Variants in DISC1 observed in about 807,000 individuals in gnomAD.
DISC1 encodes the protein DISC1 scaffold protein, also known as disrupted in schizophrenia 1 protein.
In DISC1, 57 loss-of-function variants were observed where a neutral mutation model predicts 84.5. The observed-to-expected ratio is 0.67, with a 90% CI of 0.55 to 0.84. The LOEUF is 0.84. Among genes scored for constraint, DISC1 ranks in the 40% least tolerant of loss-of-function variants. The pLI, the probability that DISC1 is intolerant of heterozygous loss-of-function variation, is 0.00. For missense variants in DISC1, 1,000 were observed against 1,057.8 expected (o/e 0.95, Z 0.76); for synonymous variants, 411 against 415.2 (o/e 0.99, Z 0.12).
At chr1:231,695,670 G>A (rs959800115) in intron 2 of DISC1, among the ~76,000 whole-genome samples, 3 of 152,120 alleles carry the variant, frequency 2.0e-5, no homozygotes, top group Admixed American at 6.5e-5. Flanking sequence ...ATGTGTGTGT[G>A]TGCATGCATG....
chr1:231,775,109 A>G (rs760111984), intron 6 of DISC1, among the ~76,000 whole-genome samples: 9 of 152,242 alleles, frequency 5.9e-5, no homozygotes, highest in Non-Finnish European at 1.0e-4. Context: ...TACAAAACCT[A>G]GAGAAACAGA....
intron 12 of DISC1, among the ~76,000 whole-genome samples, chr1:232,027,603 C>G (rs1323102946): frequency 6.6e-6 from 1 of 152,178 alleles, no homozygotes; most frequent in Non-Finnish European, 1.5e-5. Context: ...ATATGCAGCC[C>G]TATATCCTTT....
chr1:231,899,461 G>T (rs369806822), intron 9 of DISC1, among the ~76,000 whole-genome samples: 1 of 152,174 alleles, frequency 6.6e-6, no homozygotes, highest in Non-Finnish European at 1.5e-5. Flanking sequence ...CTCATCAAAA[G>T]GGTCTTGGTC....
intron 12 of DISC1, 101 bp downstream of exon 12, chr1:232,026,653 A>T: frequency 1.3e-6 from 1 of 778,562 alleles, no homozygotes; most frequent in Non-Finnish European, 2.2e-6. Context: ...CAACAAATAG[A>T]TGCTGCCGTT....
At position 232,040,668 on chromosome 1, in the gene DISC1, C is replaced by G. The variant is rs539740168; in HGVS notation, c.*3837C>G. ...TTGAGATTTTGAGCCATGGAACTTA[C>G]TTGTTCACCTGGCTAAGAACTCATG... is the stretch of plus-strand genomic sequence containing the variant. On this transcript the variant is annotated 3_prime_UTR_variant, in exon 13 of 13. Transcript: ENST00000439617. 2.0e-5 allele frequency: 3 copies of G among 152,312 alleles called. No individual in the cohort carries two copies. In the East Asian group the frequency reaches 5.8e-4, roughly 29 times the overall value. The allele number at this position is 152,312 out of a possible 1,614,324, so 9.4% of individuals were successfully genotyped here.
rs1572323863 is a variant in DISC1 at position 231,954,994 on chromosome 1, T to A, written c.1982-3834T>A. ...GAAGTTCTTGTGCAGGTCCAGCGTG[T>A]CACCAACTGGTGCTTCAGACACTGA... On this transcript the variant is annotated intron_variant, in intron 9 of 12. Coordinates refer to ENST00000439617, the MANE Select transcript of DISC1 (RefSeq NM_018662.3). The surrounding 1 kb of genome is among the most constrained non-coding windows in gnomAD (Gnocchi z 4.8). Among the ~76,000 whole-genome samples, 2 of 152,206 alleles carry A rather than the reference T, an allele frequency of 1.3e-5. No homozygotes were observed. Among genetic ancestry groups the A allele is most frequent in the Admixed American group, 6.5e-5 (1 of 15,278 alleles).
At chr1:231,890,940 G>A (rs377629785) in intron 9 of DISC1, among the ~76,000 whole-genome samples, 17 of 151,906 alleles carry the variant, frequency 1.1e-4, no homozygotes, top group Non-Finnish European at 1.9e-4. Flanking sequence ...TTTTCCTCCC[G>A]TGACAAAGAG....
At chr1:231,730,368 G>A (rs569245529) in intron 3 of DISC1, among the ~76,000 whole-genome samples, 10 of 152,182 alleles carry the variant, frequency 6.6e-5, no homozygotes, top group Non-Finnish European at 1.3e-4. Flanking sequence ...TGACCATTTG[G>A]ATTTTATTTT....
chr1:231,653,757 C>T lies in DISC1; in HGVS notation c.67+26823C>T, dbSNP rs140861143. Among the ~76,000 whole-genome samples the T allele has an allele frequency of 5.2e-4, 79 of 152,298 alleles. 1 individual carries two copies. Among genetic ancestry groups the T allele is most frequent in the African/African-American group, 1.8e-3 (75 of 41,566 alleles). On this transcript the variant is annotated intron_variant, in intron 1 of 12. Coordinates refer to ENST00000439617, the MANE Select transcript of DISC1 (RefSeq NM_018662.3). The stretch of plus-strand genomic sequence containing the variant: ...ACCTTGCTTAGTCACTGTTCAGGAT[C>T]TCTGGGTGATGTGCTGTCTTCCCCA...
At chr1:231,886,824 T>TTTCC (rs2086789668) in intron 9 of DISC1, among the ~76,000 whole-genome samples, 18 of 129,286 alleles carry the variant, frequency 1.4e-4, no homozygotes, top group Admixed American at 3.2e-4. Flanking sequence ...TCTTTCTTTC[T>TTTCC]TTCTTTCTTT....
At chr1:231,876,875 CATT>C (rs1415991424) in intron 9 of DISC1, among the ~76,000 whole-genome samples, 1 of 152,172 alleles carries the variant, frequency 6.6e-6, no homozygotes, top group African/African-American at 2.4e-5. Context: ...TTCCCACCCT[CATT>C]GTTAATGGTA....
intron 4 of DISC1, among the ~76,000 whole-genome samples, chr1:231,755,161 C>T (rs542241174): frequency 4.3e-4 from 66 of 152,138 alleles, no homozygotes; most frequent in African/African-American, 1.6e-3. Flanking sequence ...TGCTACATTT[C>T]TGGCCATTCT....
In DISC1 at chr1:232,036,877, CG is replaced by C; in HGVS notation, c.*52del. ...GGAGGTGGGCCACCATGTTTGGACC[CG>C]GGGGGCTGCTCTTCCCTCCCCCGCC... is the stretch of plus-strand genomic sequence containing the variant. On this transcript the variant is annotated 3_prime_UTR_variant, in exon 13 of 13. Transcript: ENST00000439617. 8.3e-6 allele frequency: 12 copies of C among 1,439,932 alleles called. No individual in the cohort carries two copies. Among genetic ancestry groups the C allele is most frequent in the South Asian group, 3.1e-5 (2 of 65,270 alleles). The allele number at this position is 1,439,932 out of a possible 1,614,324, so 89.2% of individuals were successfully genotyped here.
chr1:231,948,512 G>A (rs563552231), intron 9 of DISC1, among the ~76,000 whole-genome samples: 3 of 152,126 alleles, frequency 2.0e-5, no homozygotes, highest in South Asian at 2.1e-4. Flanking sequence ...GTAGGTGACC[G>A]GTTGTTGGGT....
intron 1 of DISC1, among the ~76,000 whole-genome samples, chr1:231,641,396 C>T (rs2059654496): frequency 6.6e-6 from 1 of 151,986 alleles, no homozygotes; most frequent in African/African-American, 2.4e-5. Flanking sequence ...CTTAAGGCGG[C>T]GCGTCTGGAG....
intron 9 of DISC1, among the ~76,000 whole-genome samples, chr1:231,858,473 G>A (rs2084414923): frequency 6.6e-6 from 1 of 152,190 alleles, no homozygotes; most frequent in African/African-American, 2.4e-5. Context: ...TTGAACTTGT[G>A]TCATGAGCTC....
intron 6 of DISC1, among the ~76,000 whole-genome samples, chr1:231,771,970 AT>A (rs34623749): frequency 0.79 from 114,582 of 145,532 alleles, 45,215 homozygotes; most frequent in Middle Eastern, 0.9. Context: ...ACATCTGGCT[AT>A]TTTTTTTTTT....
At chr1:231,665,351 C>T (rs1222878376) in intron 1 of DISC1, among the ~76,000 whole-genome samples, 1 of 152,138 alleles carries the variant, frequency 6.6e-6, no homozygotes, top group Non-Finnish European at 1.5e-5. Flanking sequence ...TTGAGTAACA[C>T]AGCGGGACTC....
intron 10 of DISC1, among the ~76,000 whole-genome samples, chr1:232,003,374 A>G (rs1342080754): frequency 1.3e-5 from 2 of 152,184 alleles, no homozygotes; most frequent in Non-Finnish European, 2.9e-5. Flanking sequence ...AATATCATCA[A>G]CAATGAAAAT....
Sources: allele counts gnomAD v4.1 joint callset (sites outside exome capture counted in the v4.1 genomes callset), GRCh38; gene constraint gnomAD v4.1.1; non-coding constraint Gnocchi (gnomAD v3.1); transcripts MANE v1.5; gene names NCBI Gene and HGNC (gene_info 2026-07-23, HGNC 2026-07-21).